Variants in PDE4D observed in about 807,000 individuals in gnomAD.
The protein encoded by PDE4D is 3',5'-cyclic-AMP phosphodiesterase 4D.
In PDE4D, 24 loss-of-function variants were observed where a neutral mutation model predicts 87.4. That is an observed-to-expected ratio of 0.27 (90% CI 0.20 to 0.39). PDE4D has a LOEUF of 0.39. PDE4D is among the 10% of genes least tolerant of loss of function. The pLI, the probability that PDE4D is intolerant of heterozygous loss-of-function variation, is 1.00. For missense variants in PDE4D, 714 were observed against 1,041.0 expected, an observed-to-expected ratio of 0.69 and a Z score of 4.32; for synonymous variants, 384 against 383.2, an observed-to-expected ratio of 1.00 and a Z score of -0.02.
chr5:59,046,841 A>G lies in PDE4D; in HGVS notation c.809-7870T>C, dbSNP rs141467292. 2.8e-3 allele frequency among the ~76,000 whole-genome samples: 422 copies of G among 152,300 alleles called. 3 individuals carry two copies. In the East Asian group the frequency reaches 0.044, roughly 16 times the overall value. The stretch of plus-strand genomic sequence containing the variant: ...AAAATTGGAGTTTGAGCTAAGTTTA[A>G]TTAGGCATCTAGGTTGGGGGCTTCA... On this transcript the variant is annotated intron_variant, in intron 5 of 14. Transcript: ENST00000340635.
rs141384359 is a variant in PDE4D at position 60,031,986 on chromosome 5, C to A, written c.43-43269G>T. On this transcript the variant is annotated intron_variant, in intron 2 of 16. Transcript: ENST00000502484. ...ATTATCTTAAGAAGCTATAAGGAAG[C>A]GCTTTATTATCAACTGGTTAGTGAT... is the stretch of plus-strand genomic sequence containing the variant. Among the ~76,000 whole-genome samples the A allele has an allele frequency of 2.1e-3, 324 of 152,204 alleles. 5 individuals are homozygous for A. The highest frequency in any genetic ancestry group is 1.7e-3 in the East Asian group (9 of 5,188).
At chr5:59,479,722 C>T (rs932573360) in intron 1 of PDE4D, among the ~76,000 whole-genome samples, 8 of 152,124 alleles carry the variant, frequency 5.3e-5, no homozygotes, top group Middle Eastern at 3.4e-3. Context: ...ATACATATGC[C>T]GAGTGGTAAA....
intron 5 of PDE4D, among the ~76,000 whole-genome samples, chr5:59,058,616 C>T (rs996220220): frequency 6.6e-5 from 10 of 152,116 alleles, no homozygotes; most frequent in Non-Finnish European, 1.2e-4. Flanking sequence ...CACTGTACAT[C>T]GTTTAGTCCC....
chr5:59,375,170 G>C (rs1206216091), intron 1 of PDE4D, among the ~76,000 whole-genome samples: 1 of 152,066 alleles, frequency 6.6e-6, no homozygotes, highest in Admixed American at 6.5e-5. Flanking sequence ...CAGATGACAA[G>C]AAATAACCAA....
At chr5:59,786,982 G>T (rs1210708372) in intron 1 of PDE4D, among the ~76,000 whole-genome samples, 1 of 152,108 alleles carries the variant, frequency 6.6e-6, no homozygotes, top group Non-Finnish European at 1.5e-5. Flanking sequence ...AAAAACATTG[G>T]ACATGTTGAC....
chr5:59,869,097 G>A (rs1384993842), intron 1 of PDE4D, among the ~76,000 whole-genome samples: 2 of 152,122 alleles, frequency 1.3e-5, no homozygotes, highest in Non-Finnish European at 2.9e-5. Context: ...AGAAAAACAA[G>A]CCTGCAACCT....
chr5:59,113,865 G>C (rs75932229), intron 5 of PDE4D, among the ~76,000 whole-genome samples: 1,884 of 152,262 alleles, frequency 0.012, 17 homozygotes, highest in Non-Finnish European at 0.02. Context: ...AGTCCTTAAA[G>C]AGTGTGGCAC....
intron 1 of PDE4D, among the ~76,000 whole-genome samples, chr5:60,348,376 G>A (rs1429738502): frequency 6.6e-6 from 1 of 151,800 alleles, no homozygotes; most frequent in Non-Finnish European, 1.5e-5. Flanking sequence ...TTTATGGATT[G>A]CTCCCTGCAA....
intron 1 of PDE4D, among the ~76,000 whole-genome samples, chr5:59,532,261 A>G (rs980121082): frequency 6.6e-6 from 1 of 152,076 alleles, no homozygotes; most frequent in Non-Finnish European, 1.5e-5. Context: ...CAGCCTCCTG[A>G]GTAGCTGGGA....
intron 1 of PDE4D, among the ~76,000 whole-genome samples, chr5:60,250,513 C>T (rs1175446336): frequency 6.6e-6 from 1 of 151,846 alleles, no homozygotes; most frequent in Non-Finnish European, 1.5e-5. Context: ...CAACAATGGA[C>T]CACATACTAC....
chr5:59,048,636 A>C (rs1761081802), intron 5 of PDE4D, among the ~76,000 whole-genome samples: 1 of 152,206 alleles, frequency 6.6e-6, no homozygotes, highest in African/African-American at 2.4e-5. Flanking sequence ...GAATTCTGTG[A>C]GTTTAGCTCA....
intron 1 of PDE4D, among the ~76,000 whole-genome samples, chr5:59,496,739 G>A (rs921632975): frequency 6.6e-6 from 1 of 152,142 alleles, no homozygotes; most frequent in African/African-American, 2.4e-5. Context: ...AATGGTTGTC[G>A]AGAAGGGGTC....
intron 1 of PDE4D, among the ~76,000 whole-genome samples, chr5:59,370,502 GATTTA>G (rs1434247782): frequency 6.6e-6 from 1 of 152,098 alleles, no homozygotes; most frequent in Non-Finnish European, 1.5e-5. Context: ...ATTTTGTTAA[GATTTA>G]AATGTCAGTT....
chr5:59,949,831 A>G (rs1046047037), intron 3 of PDE4D, among the ~76,000 whole-genome samples: 11 of 152,108 alleles, frequency 7.2e-5, no homozygotes, highest in African/African-American at 2.7e-4. Flanking sequence ...TCCTTATATA[A>G]CTGTAGACCT....
intron 1 of PDE4D, among the ~76,000 whole-genome samples, chr5:59,833,548 G>A (rs977563415): frequency 1.3e-5 from 2 of 152,094 alleles, no homozygotes; most frequent in African/African-American, 4.8e-5. Flanking sequence ...AGAAGCCATT[G>A]GGTTTACTGA....
At chr5:60,235,408 G>T (rs180833993) in intron 1 of PDE4D, among the ~76,000 whole-genome samples, 8 of 151,858 alleles carry the variant, frequency 5.3e-5, no homozygotes, top group African/African-American at 1.9e-4. Flanking sequence ...AAAACCTCCC[G>T]AAGTAGTTTG....
intron 1 of PDE4D, among the ~76,000 whole-genome samples, chr5:59,438,287 G>T (rs976321812): frequency 6.6e-6 from 1 of 152,124 alleles, no homozygotes; most frequent in Non-Finnish European, 1.5e-5. Flanking sequence ...AATTCAGCTT[G>T]CACCATCATT....
intron 1 of PDE4D, among the ~76,000 whole-genome samples, chr5:59,701,875 A>C (rs554632413): frequency 6.6e-6 from 1 of 152,342 alleles, no homozygotes; most frequent in African/African-American, 2.4e-5. Context: ...GAGGCCCAGC[A>C]GAAGGTAAAA....
At chr5:60,516,330 C>T (rs745641758) in intron 1 of PDE4D, among the ~76,000 whole-genome samples, 1 of 152,228 alleles carries the variant, frequency 6.6e-6, no homozygotes, top group African/African-American at 2.4e-5. Flanking sequence ...AACATACATT[C>T]GCTTTCTGAA....
Sources: gnomAD v4.1 joint callset for allele counts (sites outside exome capture counted in the v4.1 genomes callset) on GRCh38, gnomAD v4.1.1 for gene constraint, MANE v1.5 for transcripts, NCBI Gene and HGNC (gene_info 2026-07-23, HGNC 2026-07-21) for gene names.